The following RBM20 variants were observed in gnomAD, a reference collection of about 807,000 sequenced individuals.
RBM20 encodes the protein RNA-binding protein 20.
In RBM20, 51 loss-of-function variants were observed where a neutral mutation model predicts 110.1. The observed-to-expected ratio is 0.46, with a 90% CI of 0.37 to 0.59. The LOEUF is 0.59. Among genes scored for constraint, RBM20 ranks in the 20% least tolerant of loss-of-function variants. RBM20 has a pLI of 0.00. For synonymous variants in RBM20, 589 were observed against 618.2 expected (o/e 0.95, Z 0.70); for missense variants, 1,512 against 1,574.9 (o/e 0.96, Z 0.68).
chr10:110,681,306 C>T (rs1335805270), intron 1 of RBM20, among the ~76,000 whole-genome samples: 5 of 152,240 alleles, frequency 3.3e-5, no homozygotes, highest in African/African-American at 9.6e-5. Context: ...ATCTTCACAT[C>T]CACCTATCTT....
intron 1 of RBM20, among the ~76,000 whole-genome samples, chr10:110,768,831 T>C (rs906557320): frequency 3.3e-5 from 5 of 152,264 alleles, no homozygotes; most frequent in African/African-American, 1.2e-4. Context: ...GGAAATCTTG[T>C]TGCAAAAAAT....
intron 1 of RBM20, among the ~76,000 whole-genome samples, chr10:110,648,653 AC>A: frequency 6.6e-6 from 1 of 152,268 alleles, no homozygotes; most frequent in South Asian, 2.1e-4. Flanking sequence ...TGCACATAAG[AC>A]AAGCATTCAG....
rs911354855 is a variant in RBM20 at position 110,747,539 on chromosome 10, T to A, written c.192-33262T>A. On this transcript the variant is annotated intron_variant, in intron 1 of 13. Transcript: ENST00000369519. ...TAGTCAGGGCTCTGCCCTTTACTAC[T>A]CACTTTCTTGTTTGTTGTCTTAATC... 2.6e-5 allele frequency among the ~76,000 whole-genome samples: 4 copies of A among 152,206 alleles called. No individual in the cohort carries two copies. In the East Asian group the frequency reaches 7.7e-4, roughly 29 times the overall value.
intron 1 of RBM20, among the ~76,000 whole-genome samples, chr10:110,672,429 G>A (rs1484550976): frequency 6.6e-6 from 1 of 152,210 alleles, no homozygotes; most frequent in Non-Finnish European, 1.5e-5. Flanking sequence ...AGTGTCACCC[G>A]GGACCCTGCG....
At chr10:110,706,540 A>G (rs1447133447) in intron 1 of RBM20, among the ~76,000 whole-genome samples, 4 of 152,148 alleles carry the variant, frequency 2.6e-5, no homozygotes, top group African/African-American at 9.7e-5. Context: ...ACTACATTGA[A>G]CTCCAAAGGA....
At chr10:110,663,312 T>C (rs541891256) in intron 1 of RBM20, among the ~76,000 whole-genome samples, 1 of 152,274 alleles carries the variant, frequency 6.6e-6, no homozygotes, top group East Asian at 1.9e-4. Flanking sequence ...TTCCACACCC[T>C]GATACGTAGA....
At position 110,831,388 on chromosome 10, in the gene RBM20, AC is replaced by A. The variant is rs199613332; in HGVS notation, c.3573+210del. The A allele has an allele frequency of 2.7e-4, 134 of 488,414 alleles. No individual in the cohort carries two copies. The East Asian group carries it at 3.9e-3, about 14-fold the overall frequency. 30.3% of individuals were successfully genotyped at this position (488,414 alleles called of 1,614,324 possible). On this transcript the variant is annotated intron_variant, in intron 13 of 13. Coordinates refer to ENST00000369519, the MANE Select transcript of RBM20 (RefSeq NM_001134363.3). ...TCTGTCTCCTTCCACTACATGGAAA[AC>A]CCCTAATCTTCCCATAGACTTGATT... is the stretch of plus-strand genomic sequence containing the variant.
intron 1 of RBM20, among the ~76,000 whole-genome samples, chr10:110,702,485 C>T (rs1347657113): frequency 2.0e-5 from 3 of 152,142 alleles, no homozygotes; most frequent in Non-Finnish European, 4.4e-5. Flanking sequence ...GTAATGGGCT[C>T]GGATGGCGAC....
At chr10:110,789,450 T>G (rs994063010) in intron 5 of RBM20, among the ~76,000 whole-genome samples, 34 of 152,180 alleles carry the variant, frequency 2.2e-4, no homozygotes, top group African/African-American at 7.5e-4. Context: ...TTTTCCTTTT[T>G]ATTGTTATTT....
At chr10:110,671,298 AAT>A (rs1326421837) in intron 1 of RBM20, among the ~76,000 whole-genome samples, 6 of 152,214 alleles carry the variant, frequency 3.9e-5, no homozygotes, top group Admixed American at 3.9e-4. Flanking sequence ...GTCATTTTGG[AAT>A]ATTTTCTCAG....
chr10:110,732,990 C>T (rs1843634604), intron 1 of RBM20, among the ~76,000 whole-genome samples: 1 of 152,150 alleles, frequency 6.6e-6, no homozygotes, highest in African/African-American at 2.4e-5. Context: ...CTTCTATTTT[C>T]CATATGGAAT....
intron 4 of RBM20, 25 bp downstream of exon 4, chr10:110,784,457 A>G (rs747217623): frequency 7.2e-6 from 11 of 1,523,416 alleles, no homozygotes; most frequent in Non-Finnish European, 9.8e-6. Flanking sequence ...ACAGGTCAGC[A>G]GCTTGAAGCA....
chr10:110,695,307 G>A (rs1446483724), intron 1 of RBM20, among the ~76,000 whole-genome samples: 4 of 152,206 alleles, frequency 2.6e-5, no homozygotes, highest in Non-Finnish European at 5.9e-5. Context: ...TAATCTAACT[G>A]CATGCTGCCC....
At chr10:110,743,438 G>C (rs1013816469) in intron 1 of RBM20, among the ~76,000 whole-genome samples, 5 of 152,070 alleles carry the variant, frequency 3.3e-5, no homozygotes, top group Admixed American at 3.3e-4. Flanking sequence ...GTGATAAATA[G>C]TTACACTTTT....
chr10:110,791,432 C>T (rs1373041693), intron 5 of RBM20, among the ~76,000 whole-genome samples: 1 of 152,116 alleles, frequency 6.6e-6, no homozygotes, highest in Non-Finnish European at 1.5e-5. Context: ...GGCCTGTTGC[C>T]CTAAGCCATA....
chr10:110,813,067 C>T (rs1396301228), intron 9 of RBM20, 120 bp downstream of exon 9: 11 of 732,600 alleles, frequency 1.5e-5, no homozygotes, highest in Admixed American at 6.6e-5. Flanking sequence ...ATTTACTATG[C>T]GCTAGGCACT....
At chr10:110,833,380 C>T (rs1203248280) in intron 13 of RBM20, among the ~76,000 whole-genome samples, 2 of 7,016 alleles carry the variant, frequency 2.9e-4, no homozygotes, top group South Asian at 4.8e-3. Context: ...CGGAGCGAAA[C>T]TCTGTCTCAG....
intron 1 of RBM20, among the ~76,000 whole-genome samples, chr10:110,655,727 T>C (rs1366546402): frequency 6.6e-6 from 1 of 152,216 alleles, no homozygotes; most frequent in African/African-American, 2.4e-5. Flanking sequence ...AACCATGGTC[T>C]GTAACAACCA....
Position 110,823,533 on chromosome 10 carries a change from A to G in RBM20, c.3370A>G (p.Thr1124Ala). The G allele has an allele frequency of 6.5e-7, 1 of 1,547,982 alleles. No homozygotes were observed. Among genetic ancestry groups the G allele is most frequent in the Non-Finnish European group, 8.7e-7 (1 of 1,146,352 alleles). Reference protein sequence around the residue: ...KSLEVRSPEYTEVELKQPLSL... With the variant: ...KSLEVRSPEYAEVELKQPLSL... ...TCTGGAGGTGAGGTCACCAGAGTAC[A>G]CTGAAGTGGAACTGAAACAGCCCCT... The change falls in exon 12 of 14, where the codon ACT becomes GCT. Residue 1124 changes from threonine to alanine, a missense_variant. By Grantham distance (58) the Thr-to-Ala change is moderately conservative. Transcript: ENST00000369519.
Sources: allele counts gnomAD v4.1 joint callset (sites outside exome capture counted in the v4.1 genomes callset), GRCh38; gene constraint gnomAD v4.1.1; transcripts MANE v1.5; gene names NCBI Gene and HGNC (gene_info 2026-07-23, HGNC 2026-07-21).